The following GLDC variants were observed in gnomAD, a reference collection of about 807,000 sequenced individuals.
The protein encoded by GLDC is glycine dehydrogenase (decarboxylating), mitochondrial.
In GLDC, 104 loss-of-function variants were observed where a neutral mutation model predicts 121.3. The ratio of observed to expected loss-of-function variants is 0.86; its 90% CI spans 0.73 to 1.01. GLDC has a LOEUF of 1.01. Ranked by LOEUF, GLDC falls within the 50% of genes least tolerant of loss-of-function variation. The pLI is 0.00. For missense variants in GLDC, 1,429 were observed against 1,306.6 expected (o/e 1.09, Z -1.44); for synonymous variants, 546 against 480.6 (o/e 1.14, Z -1.78).
Position 6,620,332 on chromosome 9 carries a change from A to C in GLDC, c.335-13T>G, listed in dbSNP as rs762536676. On this transcript the variant is annotated splice_polypyrimidine_tract_variant and intron_variant, in intron 2 of 24. Transcript: ENST00000321612. ...ATTTCATTTTCACCTAATTGTGGGA[A>C]AAAGAGAAATGTTACAGACAGATGT... The C allele has an allele frequency of 6.2e-7, 1 of 1,611,840 alleles. No homozygotes were observed. The highest frequency in any genetic ancestry group is 8.5e-7 in the Non-Finnish European group (1 of 1,177,890).
At chr9:6,591,055 A>T (rs1257441310) in intron 11 of GLDC, among the ~76,000 whole-genome samples, 1 of 152,168 alleles carries the variant, frequency 6.6e-6, no homozygotes, top group Non-Finnish European at 1.5e-5. Flanking sequence ...GTTGTGATTA[A>T]CACCTTGCCA....
At chr9:6,623,012 C>G in intron 2 of GLDC, 1 of 185,276 alleles carries the variant, frequency 5.4e-6, no homozygotes, top group Non-Finnish European at 1.1e-5. Context: ...AGCCCCTGCC[C>G]GGCCAGCCGC....
In GLDC at chr9:6,605,358, C is replaced by G; in HGVS notation, c.714-80G>C. On this transcript the variant is annotated intron_variant, in intron 5 of 24. Transcript: ENST00000321612. Reference sequence around the variant, plus strand: ...AATTAACGTTTCTTTTCCAGTAAGACAGCATTCATTTTCTGTGCCCTCCCA... The same window carrying G: ...AATTAACGTTTCTTTTCCAGTAAGAGAGCATTCATTTTCTGTGCCCTCCCA... The G allele has an allele frequency of 2.0e-6, 3 of 1,469,648 alleles. No individual in the cohort carries two copies. In the East Asian group the frequency reaches 7.1e-5, roughly 35 times the overall value. 91.0% of individuals were successfully genotyped at this position (1,469,648 alleles called of 1,614,324 possible).
chr9:6,585,419 T>C (rs1435584496), intron 15 of GLDC, among the ~76,000 whole-genome samples: 1 of 152,144 alleles, frequency 6.6e-6, no homozygotes, highest in Non-Finnish European at 1.5e-5. Flanking sequence ...AAAACAAAAA[T>C]AAGTAATGAA....
chr9:6,606,734 G>A lies in GLDC; in HGVS notation c.636-65C>T, dbSNP rs1478937284. ...ATAAATAGGACTATCTTCTAAGAAC[G>A]CAAAGCAAACATAGTACCGAGGGTA... On this transcript the variant is annotated intron_variant, in intron 4 of 24. Transcript: ENST00000321612. 2.0e-5 allele frequency: 19 copies of A among 954,156 alleles called. No individual in the cohort carries two copies. In the East Asian group the frequency reaches 2.1e-4, roughly 11 times the overall value. The allele number at this position is 954,156 out of a possible 1,614,324, so 59.1% of individuals were successfully genotyped here.
At chr9:6,586,382 C>T (rs1027731401) in intron 15 of GLDC, among the ~76,000 whole-genome samples, 1 of 152,148 alleles carries the variant, frequency 6.6e-6, no homozygotes. Context: ...GGAGCGGGGC[C>T]CGGAGTTTGT....
intron 3 of GLDC, among the ~76,000 whole-genome samples, chr9:6,611,392 T>TA (rs559560096): frequency 1.7e-4 from 26 of 152,242 alleles, no homozygotes; most frequent in Admixed American, 1.2e-3. Context: ...CCGTCTCTAC[T>TA]AAAAATACAA....
At chr9:6,642,083 A>G (rs1254683840) in intron 2 of GLDC, among the ~76,000 whole-genome samples, 1 of 152,086 alleles carries the variant, frequency 6.6e-6, no homozygotes, top group African/African-American at 2.4e-5. Flanking sequence ...CACTCTCCCA[A>G]CACCCCCAGC....
intron 3 of GLDC, among the ~76,000 whole-genome samples, chr9:6,612,951 G>A (rs1011935817): frequency 2.0e-5 from 3 of 152,140 alleles, no homozygotes; most frequent in African/African-American, 7.2e-5. Flanking sequence ...TGGGTGACGG[G>A]AGTGAGACTC....
At position 6,533,044 on chromosome 9, in the gene GLDC, A is replaced by C; in HGVS notation, c.3036T>G (p.Phe1012Leu). 6.2e-7 allele frequency: 1 copy of C among 1,612,504 alleles called. No homozygotes were observed. Among genetic ancestry groups the C allele is most frequent in the Non-Finnish European group, 8.5e-7 (1 of 1,178,510 alleles). ...CPPMEVYESPFSEQKRASS is the reference protein window; with the variant it reads ...CPPMEVYESPLSEQKRASS Reference sequence around the variant, plus strand: ...AAGAAGACGCCCTCTTTTGTTCAGAAAATGGAGACTCATAAACTTCCATGG... The same window carrying C: ...AAGAAGACGCCCTCTTTTGTTCAGACAATGGAGACTCATAAACTTCCATGG... The change falls in exon 25 of 25, where the codon TTT (phenylalanine) becomes TTG (leucine). Residue 1012 changes from phenylalanine to leucine, a missense_variant. By Grantham distance (22) the Phe-to-Leu change is conservative (BLOSUM62 0). Coordinates refer to ENST00000321612, the MANE Select transcript of GLDC (RefSeq NM_000170.3).
chr9:6,547,428 T>G (rs910764391), intron 21 of GLDC, among the ~76,000 whole-genome samples: 50 of 152,290 alleles, frequency 3.3e-4, no homozygotes, highest in Middle Eastern at 6.8e-3. Flanking sequence ...CCTATCAAAT[T>G]GGCCATGATA....
chr9:6,620,345 T>A (rs1242180720), intron 2 of GLDC, 26 bp from the exon 3 acceptor site: 1 of 1,602,874 alleles, frequency 6.2e-7, no homozygotes, highest in Non-Finnish European at 8.5e-7. Context: ...AGAGAAATGT[T>A]ACAGACAGAT....
At chr9:6,625,364 C>A (rs1819213626) in intron 2 of GLDC, among the ~76,000 whole-genome samples, 1 of 152,152 alleles carries the variant, frequency 6.6e-6, no homozygotes, top group African/African-American at 2.4e-5. Context: ...AGAACCAACT[C>A]AATGGCTGAC....
chr9:6,575,227 AAC>A (rs1408977686), intron 15 of GLDC, among the ~76,000 whole-genome samples: 5 of 151,516 alleles, frequency 3.3e-5, no homozygotes, highest in Non-Finnish European at 4.4e-5. Context: ...AAAAAAAAAA[AAC>A]AAACCCCAAA....
At chr9:6,610,136 A>G in intron 4 of GLDC, 56 bp downstream of exon 4, 1 of 1,348,196 alleles carries the variant, frequency 7.4e-7, no homozygotes, top group Non-Finnish European at 1.0e-6. Flanking sequence ...GAAAGAAAAC[A>G]AGGCCAGGCG....
At chr9:6,560,096 C>T (rs1351778517) in intron 16 of GLDC, among the ~76,000 whole-genome samples, 1 of 152,196 alleles carries the variant, frequency 6.6e-6, no homozygotes, top group African/African-American at 2.4e-5. Context: ...TTCCTCCAAA[C>T]AACCATGTGG....
In GLDC at chr9:6,621,291, T is replaced by G. The variant is rs113565535; in HGVS notation, c.335-972A>C. On this transcript the variant is annotated intron_variant, in intron 2 of 24. Coordinates refer to ENST00000321612, the MANE Select transcript of GLDC (RefSeq NM_000170.3). ...GATGCAGGTGGGACCCTTTCTCGGG[T>G]CATTCATATAATCACAAAATAATAA... Among the ~76,000 whole-genome samples the G allele has an allele frequency of 2.0e-3, 310 of 152,342 alleles. 1 individual carries two copies. Among genetic ancestry groups the G allele is most frequent in the African/African-American group, 6.9e-3 (289 of 41,588 alleles).
chr9:6,636,583 G>A (rs918292889), intron 2 of GLDC, among the ~76,000 whole-genome samples: 1 of 152,084 alleles, frequency 6.6e-6, no homozygotes, highest in Non-Finnish European at 1.5e-5. Context: ...TTCGAGACCA[G>A]CATGGGCAAC....
chr9:6,638,576 C>T (rs983097440), intron 2 of GLDC, among the ~76,000 whole-genome samples: 4 of 152,168 alleles, frequency 2.6e-5, no homozygotes, highest in African/African-American at 9.7e-5. Context: ...CTTTCCATCC[C>T]ATTTCACATC....
Sources: allele counts gnomAD v4.1 joint callset (sites outside exome capture counted in the v4.1 genomes callset), GRCh38; gene constraint gnomAD v4.1.1; transcripts MANE v1.5; gene names NCBI Gene and HGNC (gene_info 2026-07-23, HGNC 2026-07-21).